The following SNX4 variants were observed in gnomAD, a reference collection of about 807,000 sequenced individuals.
SNX4 encodes the protein sorting nexin-4.
A neutral mutation model predicts 70.8 loss-of-function variants in SNX4; 49 were observed. The observed-to-expected ratio is 0.69, with a 90% CI of 0.55 to 0.88. SNX4 has a LOEUF of 0.88. SNX4 is among the 40% of genes least tolerant of loss of function. The probability of loss-of-function intolerance (pLI) is 0.00; values close to 1 mark genes in which losing one functional copy is unlikely to be tolerated. For missense variants in SNX4, 528 were observed against 544.8 expected (o/e 0.97, Z 0.31); for synonymous variants, 206 against 183.8 (o/e 1.12, Z -0.98).
In SNX4 at chr3:125,489,307, T is replaced by C. The variant is rs1431341278; in HGVS notation, c.653+101A>G. Reference sequence around the variant, plus strand: ...TTTCACTAAATGTGAATATGTAAACTATTTAGCAAATAAAGTGCATACATT... The same window carrying C: ...TTTCACTAAATGTGAATATGTAAACCATTTAGCAAATAAAGTGCATACATT... On this transcript the variant is annotated intron_variant, in intron 6 of 13. Coordinates refer to ENST00000251775, the MANE Select transcript of SNX4 (RefSeq NM_003794.4). 25 of 872,880 alleles carry C rather than the reference T, an allele frequency of 2.9e-5. 1 individual carries two copies. The East Asian group carries it at 6.2e-4, about 22-fold the overall frequency. 54.1% of individuals were successfully genotyped at this position (872,880 alleles called of 1,614,324 possible). A position where few individuals can be genotyped will look rare whatever the true frequency, so the allele number is the denominator to read the frequency against.
At chr3:125,476,389 C>T (rs1325085840) in intron 8 of SNX4, among the ~76,000 whole-genome samples, 5 of 150,776 alleles carry the variant, frequency 3.3e-5, no homozygotes, top group South Asian at 4.2e-4. Context: ...CTGACCAACA[C>T]GGTGAAACCC....
chr3:125,502,096 T>C (rs1934941950), intron 2 of SNX4, among the ~76,000 whole-genome samples: 1 of 152,244 alleles, frequency 6.6e-6, no homozygotes, highest in African/African-American at 2.4e-5. Flanking sequence ...TTTTTCATTG[T>C]AAACTTAAAA....
intron 11 of SNX4, among the ~76,000 whole-genome samples, chr3:125,455,570 A>G (rs962567703): frequency 1.3e-5 from 2 of 152,236 alleles, no homozygotes; most frequent in African/African-American, 4.8e-5. Context: ...GCTCCCTGAA[A>G]ATGGCCTGGG....
intron 7 of SNX4, among the ~76,000 whole-genome samples, chr3:125,478,317 A>G (rs60795578): frequency 0.12 from 18,650 of 151,204 alleles, 1,212 homozygotes; most frequent in South Asian, 0.17. Context: ...TGATCTGCCC[A>G]CCTTGGCCTC....
At chr3:125,451,783 C>G (rs945217924) in intron 12 of SNX4, among the ~76,000 whole-genome samples, 1 of 151,986 alleles carries the variant, frequency 6.6e-6, no homozygotes, top group Non-Finnish European at 1.5e-5. Flanking sequence ...CACGCCACTA[C>G]GCCCAACTAA....
At position 125,457,330 on chromosome 3, in the gene SNX4, T is replaced by A; in HGVS notation, c.980A>T (p.Asp327Val). The change falls in exon 11 of 14, where the codon GAC becomes GTC. Residue 327 changes from aspartate to valine, a missense_variant. By Grantham distance (152) the Asp-to-Val change is radical (BLOSUM62 -3). Around this residue, in one of 3 missense-constraint regions of SNX4, gnomAD observed 159 missense variants for 172.6 expected, o/e 0.92. Transcript: ENST00000251775. ...VCRKHELMQY[D>V]LEMAAQDLAS... ...TAAGTCCTGAGCAGCCATCTCCAAGTCATACTGCATAAGTTCATGTTTCCT... is the reference window on the plus strand; with the variant it reads ...TAAGTCCTGAGCAGCCATCTCCAAGACATACTGCATAAGTTCATGTTTCCT... The A allele has an allele frequency of 6.2e-7, 1 of 1,614,034 alleles. No homozygotes were observed. Among genetic ancestry groups the A allele is most frequent in the Non-Finnish European group, 8.5e-7 (1 of 1,179,930 alleles).
At chr3:125,485,082 AAAAC>A (rs1934491883) in intron 6 of SNX4, among the ~76,000 whole-genome samples, 1 of 151,816 alleles carries the variant, frequency 6.6e-6, no homozygotes, top group Non-Finnish European at 1.5e-5. Flanking sequence ...AACAAAAACA[AAAAC>A]AAAAAACCAG....
chr3:125,520,057 C>A lies in SNX4; in HGVS notation c.116G>T (p.Gly39Val). The A allele has an allele frequency of 6.4e-7, 1 of 1,558,758 alleles. No homozygotes were observed. Among genetic ancestry groups the A allele is most frequent in the East Asian group, 2.7e-5 (1 of 37,588 alleles). ...AAVGKEAEGA[G>V]EESSGVDTMT... ...CGTGTCGACCCCAGAGCTCTCTTCT[C>A]CGGCCCCCTCCGCTTCCTTGCCGAC... Residue 39 changes from glycine to valine, a missense_variant, in exon 1 of 14, where the codon GGA becomes GTA. By Grantham distance (109) the Gly-to-Val change is moderately radical. This residue lies in a region of SNX4 where 341 missense variants were observed against 312.2 expected (regional missense o/e 1.09). Coordinates refer to ENST00000251775, the MANE Select transcript of SNX4 (RefSeq NM_003794.4).
Position 125,488,344 on chromosome 3 carries a change from G to A in SNX4, c.653+1064C>T, listed in dbSNP as rs114336745. ...ACGAAAATTAACTGGGCGTTGTAGG[G>A]GGTGCCTATAATCCTAGCTACTCGG... On this transcript the variant is annotated intron_variant, in intron 6 of 13. Transcript: ENST00000251775. Among the ~76,000 whole-genome samples, 512 of 151,894 alleles carry A rather than the reference G, an allele frequency of 3.4e-3. 4 individuals carry two copies. The highest frequency in any genetic ancestry group is 0.012 in the African/African-American group (484 of 41,448).
intron 5 of SNX4, among the ~76,000 whole-genome samples, chr3:125,490,668 C>G (rs1934638482): frequency 6.6e-6 from 1 of 151,148 alleles, no homozygotes; most frequent in Non-Finnish European, 1.5e-5. Flanking sequence ...TCACTTATTT[C>G]TAGATAATTA....
intron 2 of SNX4, among the ~76,000 whole-genome samples, chr3:125,501,017 T>C (rs906858318): frequency 6.6e-6 from 1 of 151,962 alleles, no homozygotes; most frequent in Non-Finnish European, 1.5e-5. Flanking sequence ...GAAGTTGAAT[T>C]TCTAGTTAAC....
intron 8 of SNX4, among the ~76,000 whole-genome samples, chr3:125,471,015 A>C (rs962962839): frequency 1.3e-5 from 2 of 152,096 alleles, no homozygotes; most frequent in African/African-American, 4.8e-5. Flanking sequence ...ACCAGTCCCA[A>C]CTTAAGGCAC....
intron 12 of SNX4, among the ~76,000 whole-genome samples, chr3:125,453,550 C>T (rs1490073050): frequency 2.0e-5 from 3 of 151,284 alleles, no homozygotes; most frequent in East Asian, 1.9e-4. Context: ...GGTCTTCCTA[C>T]GTTGCCCAGG....
At chr3:125,482,527 C>A (rs1390243574) in intron 6 of SNX4, among the ~76,000 whole-genome samples, 1 of 152,034 alleles carries the variant, frequency 6.6e-6, no homozygotes, top group Non-Finnish European at 1.5e-5. Flanking sequence ...CACCAGTCCT[C>A]CTGACTGGCC....
At chr3:125,488,513 C>T (rs1330441661) in intron 6 of SNX4, among the ~76,000 whole-genome samples, 1 of 151,944 alleles carries the variant, frequency 6.6e-6, no homozygotes, top group Admixed American at 6.6e-5. Flanking sequence ...CTCAAGTTAC[C>T]ATCACAACCT....
In SNX4 at chr3:125,476,682, G is replaced by T. The variant is rs777192369; in HGVS notation, c.788+13C>A. The T allele has an allele frequency of 1.3e-6, 2 of 1,528,736 alleles. No individual in the cohort carries two copies. The highest frequency in any genetic ancestry group is 2.3e-5 in the East Asian group (1 of 44,306). The allele number at this position is 1,528,736 out of a possible 1,614,324, so 94.7% of individuals were successfully genotyped here. A position where few individuals can be genotyped will look rare whatever the true frequency, so the allele number is the denominator to read the frequency against. ...TTAAAGCTAATTATTTTTAAAGTTTGTATGATGCTTACCTGAAAACTCGAC... is the reference window on the plus strand; with the variant it reads ...TTAAAGCTAATTATTTTTAAAGTTTTTATGATGCTTACCTGAAAACTCGAC... On this transcript the variant is annotated intron_variant, in intron 8 of 13. Transcript: ENST00000251775.
chr3:125,506,646 C>T (rs1935049136), intron 1 of SNX4, among the ~76,000 whole-genome samples: 2 of 150,926 alleles, frequency 1.3e-5, no homozygotes, highest in South Asian at 2.1e-4. Flanking sequence ...GCTGAGACTA[C>T]AGGCCATGTT....
intron 10 of SNX4, among the ~76,000 whole-genome samples, chr3:125,457,953 A>G (rs1211403660): frequency 2.6e-5 from 4 of 152,100 alleles, no homozygotes; most frequent in African/African-American, 9.7e-5. Flanking sequence ...TAAACATGCC[A>G]TTATCACATA....
At chr3:125,455,004 C>G (rs938921613) in intron 11 of SNX4, among the ~76,000 whole-genome samples, 10 of 152,026 alleles carry the variant, frequency 6.6e-5, no homozygotes, top group Non-Finnish European at 1.2e-4. Context: ...TCATGGCTCA[C>G]TGCAGCCTCA....
Sources: gnomAD v4.1 joint callset for allele counts (sites outside exome capture counted in the v4.1 genomes callset) on GRCh38, gnomAD v4.1.1 for gene constraint, gnomAD v4.1.1 regional missense constraint, MANE v1.5 for transcripts, NCBI Gene and HGNC (gene_info 2026-07-23, HGNC 2026-07-21) for gene names.